Variants in WDPCP observed in about 807,000 individuals in gnomAD.
WDPCP encodes the protein WD repeat containing planar cell polarity effector, also known as WD repeat-containing and planar cell polarity effector protein fritz homolog.
In WDPCP, 71 loss-of-function variants were observed where a neutral mutation model predicts 93.1. That is an observed-to-expected ratio of 0.76 (90% CI 0.63 to 0.93). WDPCP has a LOEUF of 0.93. Ranked by LOEUF, WDPCP falls within the 40% of genes least tolerant of loss-of-function variation. The probability of loss-of-function intolerance (pLI) is 0.00; values close to 1 mark genes in which losing one functional copy is unlikely to be tolerated. For missense variants in WDPCP, 844 were observed against 887.4 expected, an observed-to-expected ratio of 0.95 and a Z score of 0.62; for synonymous variants, 315 against 315.0, an observed-to-expected ratio of 1.00 and a Z score of 0.00.
intron 2 of WDPCP, among the ~76,000 whole-genome samples, chr2:63,754,573 T>C (rs1241482093): frequency 2.6e-5 from 4 of 152,232 alleles, no homozygotes; most frequent in Non-Finnish European, 4.4e-5. Flanking sequence ...TAGGGCTGGC[T>C]ATATTGTTAC....
At chr2:63,664,491 A>C (rs1023862634) in intron 2 of WDPCP, among the ~76,000 whole-genome samples, 4 of 152,176 alleles carry the variant, frequency 2.6e-5, no homozygotes, top group Non-Finnish European at 4.4e-5. Context: ...AAAGAGCTCC[A>C]TGAGGGACTC....
At chr2:63,698,981 ACTTAGTCAGGCCCCACC>A (rs1669000596) in intron 2 of WDPCP, among the ~76,000 whole-genome samples, 1 of 152,116 alleles carries the variant, frequency 6.6e-6, no homozygotes, top group South Asian at 2.1e-4. Context: ...GGAAGCTATT[ACTTAGTCAGGCCCCACC>A]CTTCCAAGAC....
chr2:63,415,368 AC>A (rs1220742738), intron 9 of WDPCP, among the ~76,000 whole-genome samples: 1 of 152,214 alleles, frequency 6.6e-6, no homozygotes, highest in African/African-American at 2.4e-5. Context: ...CTATAAAAAA[AC>A]AAAGGAAAAT....
intron 3 of WDPCP, chr2:63,607,065 A>G: frequency 7.4e-7 from 1 of 1,355,176 alleles, no homozygotes; most frequent in Non-Finnish European, 1.0e-6. Context: ...AAATAATAAT[A>G]ATGCTATACT....
intron 1 of WDPCP, among the ~76,000 whole-genome samples, chr2:63,574,244 A>T (rs915054272): frequency 6.6e-6 from 1 of 152,182 alleles, no homozygotes; most frequent in Non-Finnish European, 1.5e-5. Context: ...GCATCACGGA[A>T]GCTGCCGACA....
At chr2:63,549,708 G>T (rs1395714877) in intron 1 of WDPCP, among the ~76,000 whole-genome samples, 2 of 152,174 alleles carry the variant, frequency 1.3e-5, no homozygotes, top group African/African-American at 4.8e-5. Context: ...AGAGGTTGCA[G>T]TCAGCTGAGA....
intron 1 of WDPCP, 97 bp downstream of exon 1, chr2:63,588,100 T>C: frequency 2.1e-6 from 3 of 1,427,472 alleles, no homozygotes; most frequent in South Asian, 2.5e-5. Flanking sequence ...CTTGCAGGCA[T>C]CCGCACAGCG....
chr2:63,698,849 A>T (rs1175503056), intron 2 of WDPCP, among the ~76,000 whole-genome samples: 1 of 152,142 alleles, frequency 6.6e-6, no homozygotes, highest in African/African-American at 2.4e-5. Flanking sequence ...GCAGACAATG[A>T]CATGGACATG....
chr2:63,349,176 T>C (rs541377247), intron 12 of WDPCP, among the ~76,000 whole-genome samples: 1 of 152,166 alleles, frequency 6.6e-6, no homozygotes, highest in Non-Finnish European at 1.5e-5. Flanking sequence ...GAAGTAATGA[T>C]TTAGTCAAAG....
intron 17 of WDPCP, among the ~76,000 whole-genome samples, chr2:63,134,157 T>C (rs541164024): frequency 2.0e-5 from 3 of 152,286 alleles, no homozygotes; most frequent in East Asian, 1.9e-4. Context: ...GAATAATATA[T>C]GCAGTGTGAG....
chr2:63,532,868 T>C (rs1173845480), intron 1 of WDPCP, among the ~76,000 whole-genome samples: 1 of 152,138 alleles, frequency 6.6e-6, no homozygotes, highest in Admixed American at 6.5e-5. Context: ...AATATTAACC[T>C]TAAATATAAA....
intron 12 of WDPCP, among the ~76,000 whole-genome samples, chr2:63,313,880 A>T (rs200006167): frequency 2.0e-3 from 7 of 3,572 alleles, no homozygotes; most frequent in African/African-American, 0.019. Flanking sequence ...ATATATATAT[A>T]TATATATTTT....
intron 10 of WDPCP, among the ~76,000 whole-genome samples, chr2:63,401,871 G>C (rs899253017): frequency 1.3e-5 from 2 of 152,108 alleles, no homozygotes; most frequent in African/African-American, 4.8e-5. Context: ...CTTTTACACT[G>C]CTGGGCATGT....
chr2:63,761,578 C>T (rs1394336469), intron 2 of WDPCP, among the ~76,000 whole-genome samples: 1 of 152,134 alleles, frequency 6.6e-6, no homozygotes, highest in Non-Finnish European at 1.5e-5. Context: ...AGTGCCAAAA[C>T]TGAAGAACTT....
intron 2 of WDPCP, among the ~76,000 whole-genome samples, chr2:63,703,457 T>C (rs888174054): frequency 2.0e-5 from 3 of 152,262 alleles, no homozygotes; most frequent in Admixed American, 2.0e-4. Context: ...TTGATTTGCA[T>C]TTCTCTGATG....
rs950889832 is a variant in WDPCP, at chr2:63,448,937, T to C, written c.385-9066A>G. On this transcript the variant is annotated intron_variant, in intron 6 of 17. Coordinates refer to ENST00000272321, the MANE Select transcript of WDPCP (RefSeq NM_015910.7). Reference sequence around the variant, plus strand: ...AGAAATACATTTTAGAGATCTATAGTACAACACAGTGGCTAAAGTTAATAA... The same window carrying C: ...AGAAATACATTTTAGAGATCTATAGCACAACACAGTGGCTAAAGTTAATAA... Among the ~76,000 whole-genome samples, 3 of 152,150 alleles carry C rather than the reference T, an allele frequency of 2.0e-5. No homozygotes were observed. In the East Asian group the frequency reaches 5.8e-4, roughly 29 times the overall value.
intron 1 of WDPCP, among the ~76,000 whole-genome samples, chr2:63,535,657 A>G (rs1704217883): frequency 6.6e-6 from 1 of 152,234 alleles, no homozygotes; most frequent in Non-Finnish European, 1.5e-5. Context: ...CTGGCTAGCC[A>G]TATGTAGAAA....
At chr2:63,822,562 C>A (rs1433119739) in intron 1 of WDPCP, among the ~76,000 whole-genome samples, 2 of 152,040 alleles carry the variant, frequency 1.3e-5, no homozygotes, top group African/African-American at 2.4e-5. Context: ...TTATTTTTTA[C>A]ACAGATCTCA....
At chr2:63,469,768 G>A (rs1699584777) in intron 6 of WDPCP, among the ~76,000 whole-genome samples, 5 of 152,154 alleles carry the variant, frequency 3.3e-5, no homozygotes, top group Admixed American at 3.3e-4. Flanking sequence ...GTACCAGGAT[G>A]ACAAAATAAT....
Sources: allele counts gnomAD v4.1 joint callset (sites outside exome capture counted in the v4.1 genomes callset), GRCh38; gene constraint gnomAD v4.1.1; transcripts MANE v1.5; gene names NCBI Gene and HGNC (gene_info 2026-07-23, HGNC 2026-07-21).